RAPH1: variants seen among roughly 807,000 people sequenced by gnomAD.
RAPH1 encodes Ras association (RalGDS/AF-6) and pleckstrin homology domains 1, also known as ras-associated and pleckstrin homology domains-containing protein 1.
RAPH1 carries 18 observed loss-of-function variants against 88.1 expected under a neutral mutation model. The ratio of observed to expected loss-of-function variants is 0.20; its 90% confidence interval spans 0.14 to 0.30. The LOEUF is 0.30. Among genes scored for constraint, RAPH1 ranks in the 10% least tolerant of loss-of-function variants. RAPH1 has a pLI of 1.00. For missense variants in RAPH1, 1,448 were observed against 1,543.2 expected (o/e 0.94, Z 1.03); for synonymous variants, 587 against 559.0 (o/e 1.05, Z -0.71).
At chr2:203,441,857 T>G in intron 13 of RAPH1, 1 of 1,339,308 alleles carries the variant, frequency 7.5e-7, no homozygotes, top group South Asian at 2.2e-5. Flanking sequence ...ATCAAGCAGA[T>G]GCTATAACTG....
chr2:203,468,827 T>C (rs891858596), intron 4 of RAPH1, among the ~76,000 whole-genome samples: 2 of 152,106 alleles, frequency 1.3e-5, no homozygotes, highest in African/African-American at 4.8e-5. Flanking sequence ...TGTAGTAGAA[T>C]GGTGGTAATG....
intron 4 of RAPH1, among the ~76,000 whole-genome samples, chr2:203,473,413 A>G (rs1162307182): frequency 6.6e-6 from 1 of 152,204 alleles, no homozygotes; most frequent in Non-Finnish European, 1.5e-5. Context: ...AGGGATGAGA[A>G]GAGTGGTGCA....
intron 4 of RAPH1, among the ~76,000 whole-genome samples, chr2:203,464,373 G>A (rs1468537625): frequency 6.6e-6 from 1 of 152,218 alleles, no homozygotes; most frequent in Non-Finnish European, 1.5e-5. Context: ...CCGGGTTCAA[G>A]CGATTCTCCT....
chr2:203,451,809 C>T (rs2352079), intron 10 of RAPH1, among the ~76,000 whole-genome samples: 66,577 of 152,062 alleles, frequency 0.44, 16,591 homozygotes, highest in Middle Eastern at 0.68. Context: ...TGAATTCTGA[C>T]TGGTGTAAGC....
chr2:203,534,711 C>G (rs140521075), intron 1 of RAPH1, among the ~76,000 whole-genome samples: 1 of 152,202 alleles, frequency 6.6e-6, no homozygotes, highest in East Asian at 1.9e-4. Context: ...ACCCAAGCAA[C>G]CCGACATCCA....
In RAPH1 at chr2:203,439,521, T is replaced by A. The variant is rs1261226883; in HGVS notation, c.3669A>T (p.Ile1223=). 2 of 1,614,010 alleles carry A rather than the reference T, an allele frequency of 1.2e-6. No homozygotes were observed. Among genetic ancestry groups the A allele is most frequent in the Admixed American group, 1.7e-5 (1 of 60,006 alleles). Residue 1223 remains isoleucine, a synonymous_variant, in exon 14 of 14, where the codon ATA becomes ATT. Transcript: ENST00000319170. ...QQKAGYGGSH[I]SGYATLRRGP... is the part of the protein sequence containing the mutation. ...CTCTCCGCAACGTTGCATAGCCTGA[T>A]ATATGACTGCCTCCGTAACCAGCCT...
At chr2:203,457,734 A>G (rs910372270) in intron 7 of RAPH1, 139 bp from the exon 8 acceptor site, 1 of 699,882 alleles carries the variant, frequency 1.4e-6, no homozygotes, top group African/African-American at 1.8e-5. Context: ...TTCTGTTGGT[A>G]TAGAGTAGAA....
At chr2:203,478,738 C>T (rs1687589844) in intron 4 of RAPH1, among the ~76,000 whole-genome samples, 1 of 152,178 alleles carries the variant, frequency 6.6e-6, no homozygotes. Context: ...ATCTGCCCAC[C>T]TCCACCTCCA....
chr2:203,494,286 G>A (rs1455549346), intron 2 of RAPH1, among the ~76,000 whole-genome samples: 1 of 152,004 alleles, frequency 6.6e-6, no homozygotes, highest in Non-Finnish European at 1.5e-5. Flanking sequence ...TTGCCATGAA[G>A]TTAAATTTAT....
intron 10 of RAPH1, among the ~76,000 whole-genome samples, chr2:203,453,645 C>T (rs146173202): frequency 4.8e-4 from 72 of 151,388 alleles, no homozygotes; most frequent in African/African-American, 1.7e-3. Flanking sequence ...CCTAAAACTC[C>T]CAAACTAATG....
intron 4 of RAPH1, among the ~76,000 whole-genome samples, chr2:203,474,275 AGGAGAG>A (rs2098535533): frequency 6.6e-6 from 1 of 152,172 alleles, no homozygotes; most frequent in Admixed American, 6.5e-5. Flanking sequence ...CACAATGAAG[AGGAGAG>A]GGAGAGTTAC....
chr2:203,449,375 T>C (rs1206226776), intron 10 of RAPH1, among the ~76,000 whole-genome samples: 3 of 152,192 alleles, frequency 2.0e-5, no homozygotes, highest in Non-Finnish European at 4.4e-5. Flanking sequence ...TACAGCCCTG[T>C]AGGTCCCACT....
chr2:203,439,683 G>A lies in RAPH1; in HGVS notation c.3507C>T (p.Leu1169=). The part of the protein sequence containing the change: ...LSVQPGFLAD[L]NRTLQRKSIT... ...TGGACTTTCGTTGCAGTGTCCTGTTGAGGTCAGCCAGGAATCCAGGCTGGA... is the reference window on the plus strand; with the variant it reads ...TGGACTTTCGTTGCAGTGTCCTGTTAAGGTCAGCCAGGAATCCAGGCTGGA... The change falls in exon 14 of 14, where the codon CTC becomes CTT. Residue 1169 remains leucine (L), a synonymous_variant. Transcript: ENST00000319170. The A allele has an allele frequency of 6.2e-7, 1 of 1,614,100 alleles. No homozygotes were observed. Among genetic ancestry groups the A allele is most frequent in the Non-Finnish European group, 8.5e-7 (1 of 1,180,026 alleles).
intron 4 of RAPH1, among the ~76,000 whole-genome samples, chr2:203,465,688 C>T (rs1054164770): frequency 1.4e-4 from 22 of 152,286 alleles, no homozygotes; most frequent in African/African-American, 5.1e-4. Flanking sequence ...ACCAGGCTGG[C>T]CAACATGGCA....
At position 203,460,134 on chromosome 2, in the gene RAPH1, G is replaced by A. The variant is rs552507048; in HGVS notation, c.971-106C>T. 2.7e-5 allele frequency: 26 copies of A among 955,516 alleles called. 1 individual carries two copies. The highest frequency in any genetic ancestry group is 1.7e-4 in the South Asian group (10 of 58,948). The allele number at this position is 955,516 out of a possible 1,614,324, so 59.2% of individuals were successfully genotyped here. The stretch of plus-strand genomic sequence containing the variant: ...ACCTCAGAACCACATAATCTTAACC[G>A]ACATTTTAGCACCTAAAAATTATCT... On this transcript the variant is annotated intron_variant, in intron 6 of 13. Coordinates refer to ENST00000319170, the MANE Select transcript of RAPH1 (RefSeq NM_213589.3).
At position 203,441,357 on chromosome 2, in the gene RAPH1, CG is replaced by C; in HGVS notation, c.1832del (p.Pro611ArgfsTer5). 1 of 1,564,880 alleles carries C rather than the reference CG, an allele frequency of 6.4e-7. No homozygotes were observed. The highest frequency in any genetic ancestry group is 8.6e-7 in the Non-Finnish European group (1 of 1,158,410). On this transcript the variant is annotated frameshift_variant, in exon 14 of 14. Transcript: ENST00000319170. LOFTEE classifies it low-confidence loss of function (END_TRUNC). Reference sequence around the variant, plus strand: ...TGTAGGGGGTGACTATCTTAGGTTGCGGGGATAAAGGGGGCACAAGTGAAGT... The same window carrying C: ...TGTAGGGGGTGACTATCTTAGGTTGCGGGATAAAGGGGGCACAAGTGAAGT... ...PYTSLVPPLSPQPKIVTPYTA... is the reference protein window; with the variant it reads ...PYTSLVPPLSXQPKIVTPYTA...
intron 4 of RAPH1, 116 bp from the exon 5 acceptor site, chr2:203,462,041 A>G: frequency 1.6e-6 from 1 of 640,148 alleles, no homozygotes; most frequent in Non-Finnish European, 2.5e-6. Flanking sequence ...ATAACTACAC[A>G]CAGAGCACAT....
At position 203,489,465 on chromosome 2, in the gene RAPH1, A is replaced by G. The variant is rs553283457; in HGVS notation, c.732+119T>C. The G allele has an allele frequency of 1.8e-5, 13 of 725,290 alleles. No individual in the cohort carries two copies. In the African/African-American group the frequency reaches 2.3e-4, roughly 13 times the overall value. 44.9% of individuals were successfully genotyped at this position (725,290 alleles called of 1,614,324 possible). Reference sequence around the variant, plus strand: ...TCTGTACTCTTGAAACCTATCTCAGAAGTATCTTTGACAAATTATAAATGT... The same window carrying G: ...TCTGTACTCTTGAAACCTATCTCAGGAGTATCTTTGACAAATTATAAATGT... On this transcript the variant is annotated intron_variant, in intron 4 of 13. Transcript: ENST00000319170.
At chr2:203,458,919 C>T (rs1256284150) in intron 7 of RAPH1, among the ~76,000 whole-genome samples, 4 of 152,060 alleles carry the variant, frequency 2.6e-5, no homozygotes, top group Non-Finnish European at 4.4e-5. Flanking sequence ...CCCGACACCA[C>T]GCCCGGCTAA....
Sources: allele counts gnomAD v4.1 joint callset (sites outside exome capture counted in the v4.1 genomes callset), GRCh38; gene constraint gnomAD v4.1.1; transcripts MANE v1.5; gene names NCBI Gene and HGNC (gene_info 2026-07-23, HGNC 2026-07-21).